SEC23B: variants seen among roughly 807,000 people sequenced by gnomAD.
SEC23B encodes protein transport protein Sec23B.
In SEC23B, 77 loss-of-function variants were observed where a neutral mutation model predicts 104.3. The observed-to-expected ratio is 0.74, with a 90% CI of 0.61 to 0.89. The LOEUF is 0.89. SEC23B is among the 40% of genes least tolerant of loss of function. The probability of loss-of-function intolerance (pLI) is 0.00; values close to 1 mark genes in which losing one functional copy is unlikely to be tolerated. For synonymous variants in SEC23B, 338 were observed against 332.5 expected (o/e 1.02, Z -0.18); for missense variants, 885 against 949.4 (o/e 0.93, Z 0.89).
At chr20:18,519,999 G>T (rs957849687) in intron 4 of SEC23B, among the ~76,000 whole-genome samples, 1 of 152,230 alleles carries the variant, frequency 6.6e-6, no homozygotes, top group Non-Finnish European at 1.5e-5. Flanking sequence ...AATTTGCTGA[G>T]CCTGATGGGT....
chr20:18,559,152 C>G lies in SEC23B; in HGVS notation c.2215-1499C>G, dbSNP rs149386820. On this transcript the variant is annotated intron_variant, in intron 19 of 19. Coordinates refer to ENST00000650089, the MANE Select transcript of SEC23B (RefSeq NM_006363.6). ...AGAAGTCCAGGTTTTCCACTGGCCT[C>G]TGTTGACACCTCGGGGTGTCTAGTG... Among the ~76,000 whole-genome samples the G allele has an allele frequency of 2.9e-4, 44 of 151,780 alleles. No individual in the cohort carries two copies. In the East Asian group the frequency reaches 8.4e-3, roughly 29 times the overall value.
intron 12 of SEC23B, among the ~76,000 whole-genome samples, chr20:18,536,584 T>C (rs973704324): frequency 1.3e-5 from 2 of 151,602 alleles, no homozygotes; most frequent in Admixed American, 1.3e-4. Flanking sequence ...CCCAGCTACT[T>C]GGGAGGCTGA....
In SEC23B at chr20:18,559,150, C is replaced by T. The variant is rs138772469; in HGVS notation, c.2215-1501C>T. On this transcript the variant is annotated intron_variant, in intron 19 of 19. Transcript: ENST00000650089. ...GGAGAAGTCCAGGTTTTCCACTGGC[C>T]TCTGTTGACACCTCGGGGTGTCTAG... 7.9e-3 allele frequency among the ~76,000 whole-genome samples: 1,207 copies of T among 151,944 alleles called. 8 individuals are homozygous for T. Among genetic ancestry groups the T allele is most frequent in the Middle Eastern group, 0.014 (4 of 294 alleles).
intron 11 of SEC23B, among the ~76,000 whole-genome samples, chr20:18,533,749 A>T (rs1057089499): frequency 6.6e-6 from 1 of 152,154 alleles, no homozygotes; most frequent in Non-Finnish European, 1.5e-5. Context: ...AGTGAGGCAG[A>T]TTGCTGCCCT....
Position 18,555,098 on chromosome 20 carries a change from G to A in SEC23B, c.2149-10G>A. 1.2e-6 allele frequency: 2 copies of A among 1,611,630 alleles called. No individual in the cohort carries two copies. Among genetic ancestry groups the A allele is most frequent in the East Asian group, 2.2e-5 (1 of 44,846 alleles). Reference sequence around the variant, plus strand: ...ATCTTTAAATCTTTTTGTTGTTGTTGTTGTTAAAGGCTCGATTCCTTTTGT... The same window carrying A: ...ATCTTTAAATCTTTTTGTTGTTGTTATTGTTAAAGGCTCGATTCCTTTTGT... On this transcript the variant is annotated splice_polypyrimidine_tract_variant and intron_variant, in intron 18 of 19. Coordinates refer to ENST00000650089, the MANE Select transcript of SEC23B (RefSeq NM_006363.6).
At chr20:18,555,345 C>T (rs566408625) in intron 19 of SEC23B, among the ~76,000 whole-genome samples, 172 bp downstream of exon 19, 9 of 152,004 alleles carry the variant, frequency 5.9e-5, no homozygotes, top group East Asian at 5.8e-4. Flanking sequence ...ATTACTGGGC[C>T]GGAGGTTGAG....
Position 18,524,996 on chromosome 20 carries a change from A to G in SEC23B, c.665A>G (p.Gln222Arg). The G allele has an allele frequency of 6.2e-7, 1 of 1,614,124 alleles. No homozygotes were observed. Among genetic ancestry groups the G allele is most frequent in the Non-Finnish European group, 8.5e-7 (1 of 1,180,016 alleles). ...CAGCAAGCACGACCTGCACAACCAC[A>G]GGAGCACCCTTTTGCTTCAAGCAGG... is the stretch of plus-strand genomic sequence containing the variant. The part of the protein sequence containing the change: ...PMQQARPAQP[Q>R]EHPFASSRFL... The change falls in exon 6 of 20, where the codon CAG becomes CGG. Residue 222 changes from glutamine to arginine, a missense_variant. By Grantham distance (43) the Gln-to-Arg change is conservative. Coordinates refer to ENST00000650089, the MANE Select transcript of SEC23B (RefSeq NM_006363.6).
intron 4 of SEC23B, among the ~76,000 whole-genome samples, chr20:18,520,285 A>G (rs930796866): frequency 2.0e-5 from 3 of 152,188 alleles, no homozygotes; most frequent in Non-Finnish European, 4.4e-5. Context: ...AGGCCATGCT[A>G]TAACAAGCGA....
intron 4 of SEC23B, among the ~76,000 whole-genome samples, chr20:18,516,425 T>C (rs1200199604): frequency 6.6e-6 from 1 of 152,190 alleles, no homozygotes; most frequent in Non-Finnish European, 1.5e-5. Flanking sequence ...ATTGGAAAAC[T>C]TGTCTGTCTT....
intron 1 of SEC23B, among the ~76,000 whole-genome samples, chr20:18,508,716 C>CTTTTTTTTTTTT (rs398035473): frequency 3.1e-5 from 3 of 97,488 alleles, no homozygotes; most frequent in African/African-American, 8.2e-5. Context: ...GCAGTAGCTT[C>CTTTTTTTTTTTT]TTTTTTTTTT....
chr20:18,514,757 A>C (rs140186490), intron 3 of SEC23B, among the ~76,000 whole-genome samples: 116 of 152,380 alleles, frequency 7.6e-4, no homozygotes, highest in Middle Eastern at 3.4e-3. Flanking sequence ...ACTGTGCTTA[A>C]GTCTGGAAGG....
chr20:18,523,637 G>T (rs867009618), intron 4 of SEC23B, among the ~76,000 whole-genome samples: 1 of 150,928 alleles, frequency 6.6e-6, no homozygotes, highest in East Asian at 2.0e-4. Context: ...TCCTGACCTC[G>T]TGATCCACCT....
chr20:18,530,607 G>T, intron 9 of SEC23B, 73 bp from the exon 10 acceptor site: 5 of 1,532,190 alleles, frequency 3.3e-6, no homozygotes, highest in Admixed American at 2.1e-5. Context: ...AATTATTTTT[G>T]TAAATACTGA....
intron 4 of SEC23B, among the ~76,000 whole-genome samples, chr20:18,518,421 G>A (rs2060050292): frequency 6.6e-6 from 1 of 152,096 alleles, no homozygotes; most frequent in Non-Finnish European, 1.5e-5. Context: ...AGGAGTAGTA[G>A]AATAGCAGAT....
chr20:18,516,850 G>A (rs1034496081), intron 4 of SEC23B, among the ~76,000 whole-genome samples: 2 of 151,952 alleles, frequency 1.3e-5, no homozygotes, highest in African/African-American at 4.8e-5. Context: ...ACCGCACCCG[G>A]CCACATTTTT....
chr20:18,529,157 A>G (rs2060160071), intron 9 of SEC23B, among the ~76,000 whole-genome samples: 2 of 152,370 alleles, frequency 1.3e-5, no homozygotes, highest in Middle Eastern at 6.8e-3. Flanking sequence ...ATTAAGCTGA[A>G]GACACATGGG....
At chr20:18,514,577 C>T (rs1334708565) in intron 3 of SEC23B, among the ~76,000 whole-genome samples, 1 of 152,182 alleles carries the variant, frequency 6.6e-6, no homozygotes, top group Non-Finnish European at 1.5e-5. Context: ...GGGAGATGCA[C>T]CTCAACTTGT....
At chr20:18,560,229 T>C (rs1254515694) in intron 19 of SEC23B, among the ~76,000 whole-genome samples, 1 of 152,148 alleles carries the variant, frequency 6.6e-6, no homozygotes, top group East Asian at 1.9e-4. Context: ...ATTTGAAATA[T>C]CCATCTGTTC....
rs773579451 is a variant in SEC23B, at chr20:18,525,809, G to A, written c.711G>A (p.Lys237=). 11 of 1,614,076 alleles carry A rather than the reference G, an allele frequency of 6.8e-6. No homozygotes were observed. In the South Asian group the frequency reaches 1.2e-4, roughly 18 times the overall value. The change falls in exon 7 of 20, where the codon AAG becomes AAA. Residue 237 remains lysine (K), a synonymous_variant. Coordinates refer to ENST00000650089, the MANE Select transcript of SEC23B (RefSeq NM_006363.6). ...GCAGATTTCTGCAGCCTGTTCACAAGATTGATATGAACCTCACTGATCTTC... is the reference window on the plus strand; with the variant it reads ...GCAGATTTCTGCAGCCTGTTCACAAAATTGATATGAACCTCACTGATCTTC... The part of the protein sequence containing the change: ...ASSRFLQPVH[K]IDMNLTDLLG...
Sources: gnomAD v4.1 joint callset for allele counts (sites outside exome capture counted in the v4.1 genomes callset) on GRCh38, gnomAD v4.1.1 for gene constraint, MANE v1.5 for transcripts, NCBI Gene and HGNC (gene_info 2026-07-23, HGNC 2026-07-21) for gene names.